Variants in ARMC2 observed in about 807,000 individuals in gnomAD.
ARMC2 encodes armadillo repeat-containing protein 2.
ARMC2 carries 67 observed loss-of-function variants against 90.3 expected under a neutral mutation model. The observed-to-expected ratio is 0.74, with a 90% CI of 0.61 to 0.91. ARMC2 has a LOEUF of 0.91. Ranked by LOEUF, ARMC2 falls within the 40% of genes least tolerant of loss-of-function variation. The probability of loss-of-function intolerance (pLI) is 0.00; values close to 1 mark genes in which losing one functional copy is unlikely to be tolerated. For synonymous variants in ARMC2, 393 were observed against 393.0 expected (o/e 1.00, Z 0.00); for missense variants, 920 against 1,030.9 (o/e 0.89, Z 1.47).
chr6:108,903,318 GGCTGGCCTTGATCCTGGCATCAA>G (rs1231856560), intron 7 of ARMC2, among the ~76,000 whole-genome samples: 4 of 151,510 alleles, frequency 2.6e-5, no homozygotes, highest in African/African-American at 9.7e-5. Flanking sequence ...ATATTGCCCA[GGCTGGCCTTGATCCTGGCATCAA>G]GCAACCCTCC....
intron 10 of ARMC2, among the ~76,000 whole-genome samples, chr6:108,919,767 C>G (rs897170022): frequency 2.6e-5 from 4 of 152,162 alleles, no homozygotes; most frequent in African/African-American, 9.7e-5. Context: ...CCCACCTCTT[C>G]TCATTAATCC....
intron 10 of ARMC2, among the ~76,000 whole-genome samples, chr6:108,921,434 G>A (rs1212104595): frequency 3.3e-5 from 5 of 152,196 alleles, no homozygotes; most frequent in South Asian, 4.1e-4. Flanking sequence ...GCCAGGCACC[G>A]AGTGTTATCA....
intron 5 of ARMC2, among the ~76,000 whole-genome samples, chr6:108,893,712 G>A (rs1276728745): frequency 6.6e-6 from 1 of 152,220 alleles, no homozygotes; most frequent in Non-Finnish European, 1.5e-5. Flanking sequence ...GGAAATCAAA[G>A]GTAAATTAAA....
At chr6:108,946,259 A>G (rs937112855) in intron 12 of ARMC2, among the ~76,000 whole-genome samples, 1 of 152,244 alleles carries the variant, frequency 6.6e-6, no homozygotes, top group Non-Finnish European at 1.5e-5. Flanking sequence ...AGTGACATTC[A>G]GAGGCATATC....
At chr6:108,990,444 C>T in the ARMC2 span, among the ~76,000 whole-genome samples, 1 of 152,336 alleles carries the variant, frequency 6.6e-6, no homozygotes, top group Admixed American at 6.5e-5. Flanking sequence ...CCTAACTCTC[C>T]CTCCTGCCTA....
the ARMC2 span, among the ~76,000 whole-genome samples, chr6:109,017,511 TCCTCACCTCGTGATCCGCCTG>T: frequency 6.6e-6 from 1 of 152,158 alleles, no homozygotes; most frequent in African/African-American, 2.4e-5. Context: ...GGTCTCGATC[TCCTCACCTCGTGATCCGCCTG>T]CCTTGGCCTC....
chr6:109,037,677 T>C, the ARMC2 span, among the ~76,000 whole-genome samples: 1 of 152,192 alleles, frequency 6.6e-6, no homozygotes, highest in African/African-American at 2.4e-5. Context: ...GAAATATTTA[T>C]CATATTATAG....
intron 11 of ARMC2, among the ~76,000 whole-genome samples, chr6:108,929,015 T>C (rs946601419): frequency 6.6e-6 from 1 of 152,180 alleles, no homozygotes; most frequent in African/African-American, 2.4e-5. Flanking sequence ...ATAGATTAAA[T>C]GGTACACAGG....
rs764624655 is a variant in ARMC2, at chr6:108,962,106, G to A, written c.2131G>A (p.Asp711Asn). The change falls in exon 15 of 18, where the codon GAT becomes AAT. Residue 711 changes from aspartate to asparagine, a missense_variant. Physicochemically the swap from Asp to Asn is conservative, Grantham distance 23. Coordinates refer to ENST00000392644, the MANE Select transcript of ARMC2 (RefSeq NM_032131.6). ...GNLSQDHDVC[D>N]FIVQNNVHRF... ...TCTCTCCCAGGACCATGATGTCTGC[G>A]ATTTCATTGTGCAGAACAATGGTGA... 8.7e-6 allele frequency: 14 copies of A among 1,610,188 alleles called. No individual in the cohort carries two copies. The highest frequency in any genetic ancestry group is 4.5e-5 in the East Asian group (2 of 44,860).
chr6:108,861,965 G>T (rs1767890753), intron 3 of ARMC2, among the ~76,000 whole-genome samples: 1 of 152,088 alleles, frequency 6.6e-6, no homozygotes, highest in Admixed American at 6.6e-5. Context: ...TTAGCTATTG[G>T]GCTAAGACAA....
chr6:108,860,593 C>T (rs982266618), intron 3 of ARMC2, among the ~76,000 whole-genome samples: 2 of 144,634 alleles, frequency 1.4e-5, no homozygotes, highest in African/African-American at 2.6e-5. Context: ...ACTGGGGAGG[C>T]GGAGCTTGCA....
At chr6:108,872,079 G>A (rs1776475272) in intron 4 of ARMC2, among the ~76,000 whole-genome samples, 1 of 152,188 alleles carries the variant, frequency 6.6e-6, no homozygotes, top group Non-Finnish European at 1.5e-5. Flanking sequence ...CTATTGTTTA[G>A]AAGAGGTAGG....
intron 3 of ARMC2, among the ~76,000 whole-genome samples, chr6:108,862,643 G>A (rs1301231228): frequency 6.6e-6 from 1 of 152,060 alleles, no homozygotes; most frequent in African/African-American, 2.4e-5. Context: ...TTGGCAAAGG[G>A]CAGAGATAGG....
intron 4 of ARMC2, among the ~76,000 whole-genome samples, chr6:108,875,483 G>T (rs993354244): frequency 1.3e-5 from 2 of 152,010 alleles, no homozygotes; most frequent in East Asian, 3.9e-4. Flanking sequence ...CATACCAGCT[G>T]GTCTCTGTGC....
At chr6:108,865,064 C>T (rs1775676113) in intron 3 of ARMC2, among the ~76,000 whole-genome samples, 1 of 146,768 alleles carries the variant, frequency 6.8e-6, no homozygotes, top group South Asian at 2.1e-4. Context: ...AGTGGTGCAA[C>T]CTCCACCTCC....
intron 5 of ARMC2, among the ~76,000 whole-genome samples, chr6:108,880,791 CCT>C (rs1362999110): frequency 2.0e-5 from 3 of 146,582 alleles, no homozygotes; most frequent in African/African-American, 7.6e-5. Context: ...TTCCTTCCTT[CCT>C]CTCTCTTTCT....
At chr6:108,920,391 C>T (rs1201635120) in intron 10 of ARMC2, among the ~76,000 whole-genome samples, 1 of 152,136 alleles carries the variant, frequency 6.6e-6, no homozygotes, top group East Asian at 1.9e-4. Context: ...CAGCTATTTT[C>T]TACTTATGGG....
chr6:108,848,989 T>C lies in ARMC2; in HGVS notation c.-44+443T>C, dbSNP rs1773729278. Among the ~76,000 whole-genome samples the C allele has an allele frequency of 2.6e-5, 4 of 152,266 alleles. No individual in the cohort carries two copies. The South Asian group carries it at 8.3e-4, about 32-fold the overall frequency. ...ACTTAGCCAAGTGCGTGGTGCTTAATAAGAAGCCCAGTAATATTTGTTGAA... is the reference window on the plus strand; with the variant it reads ...ACTTAGCCAAGTGCGTGGTGCTTAACAAGAAGCCCAGTAATATTTGTTGAA... On this transcript the variant is annotated intron_variant, in intron 1 of 17. Coordinates refer to ENST00000392644, the MANE Select transcript of ARMC2 (RefSeq NM_032131.6).
chr6:108,978,667 A>G (rs1475833904), downstream of ARMC2, among the ~76,000 whole-genome samples: 5 of 152,250 alleles, frequency 3.3e-5, no homozygotes, highest in East Asian at 3.9e-4. Context: ...TGCTTTATGA[A>G]TCTGGGTGCT....
Sources: allele counts gnomAD v4.1 joint callset (sites outside exome capture counted in the v4.1 genomes callset), GRCh38; gene constraint gnomAD v4.1.1; transcripts MANE v1.5; gene names NCBI Gene and HGNC (gene_info 2026-07-23, HGNC 2026-07-21).